The following ABCB9 variants were observed in gnomAD, a reference collection of about 807,000 sequenced individuals.
The protein encoded by ABCB9 is ATP binding cassette subfamily B member 9.
A neutral mutation model predicts 62.0 loss-of-function variants in ABCB9; 36 were observed. The observed-to-expected ratio is 0.58, with a 90% confidence interval of 0.45 to 0.77. The LOEUF (loss-of-function observed/expected upper bound fraction) is 0.77, where lower values mean the gene tolerates loss of function less well. Among genes scored for constraint, ABCB9 ranks in the 30% least tolerant of loss-of-function variants. The pLI, the probability that ABCB9 is intolerant of heterozygous loss-of-function variation, is 0.00. For missense variants in ABCB9, 943 were observed against 1,054.7 expected, an observed-to-expected ratio of 0.89 and a Z score of 1.47; for synonymous variants, 435 against 461.4, an observed-to-expected ratio of 0.94 and a Z score of 0.73.
chr12:122,970,642 A>G (rs1240508228), upstream of ABCB9, among the ~76,000 whole-genome samples: 2 of 152,232 alleles, frequency 1.3e-5, no homozygotes, highest in Non-Finnish European at 2.9e-5. Flanking sequence ...ATCACTATGC[A>G]TTATATGTAT....
At chr12:122,955,722 T>G (rs866672159) in intron 2 of ABCB9, among the ~76,000 whole-genome samples, 4 of 151,858 alleles carry the variant, frequency 2.6e-5, no homozygotes, top group Admixed American at 1.3e-4. Flanking sequence ...TTTGTTTTTT[T>G]TTTTTTTGAG....
At chr12:122,926,902 AAAAC>A (rs1020413939), downstream of ABCB9, among the ~76,000 whole-genome samples, 7 of 152,270 alleles carry the variant, frequency 4.6e-5, no homozygotes, top group South Asian at 4.1e-4. Context: ...CCTGTCTCTA[AAAAC>A]AAACAAACAA....
intron 6 of ABCB9, 24 bp downstream of exon 6, chr12:122,946,001 A>G (rs370750318): frequency 6.2e-7 from 1 of 1,610,940 alleles, no homozygotes; most frequent in African/African-American, 1.3e-5. Flanking sequence ...CCACAGCCAG[A>G]GCTGCCTGGC....
intron 5 of ABCB9, 178 bp downstream of exon 5, chr12:122,948,446 G>T: frequency 1.6e-6 from 1 of 616,654 alleles, no homozygotes; most frequent in Non-Finnish European, 2.6e-6. Context: ...CAGTGCCTGG[G>T]ACATAGCAGG....
chr12:122,929,372 TCA>T lies in ABCB9; in HGVS notation c.*537_*538del. 2 of 985,894 alleles carry T rather than the reference TCA, an allele frequency of 2.0e-6. No homozygotes were observed. Among genetic ancestry groups the T allele is most frequent in the Non-Finnish European group, 2.4e-6 (2 of 830,040 alleles). The allele number at this position is 985,894 out of a possible 1,614,324, so 61.1% of individuals were successfully genotyped here. ...CGCTCCCTACCCGCCCTGGCCAGAC[TCA>T]CAGAGCTGGCAAGAGGGAGAGACGG... On this transcript the variant is annotated 3_prime_UTR_variant, in exon 12 of 12. Transcript: ENST00000280560. The surrounding 1 kb of genome is among the most constrained non-coding windows in gnomAD (Gnocchi z 6.0).
Position 122,931,977 on chromosome 12 carries a change from CA to C in ABCB9, c.2040+214del, listed in dbSNP as rs548437892. The C allele has an allele frequency of 8.2e-4, 639 of 780,224 alleles. 3 individuals carry two copies. The African/African-American group carries it at 0.01, about 13-fold the overall frequency. The allele number at this position is 780,224 out of a possible 1,614,324, so 48.3% of individuals were successfully genotyped here. A position where few individuals can be genotyped will look rare whatever the true frequency, so the allele number is the denominator to read the frequency against. On this transcript the variant is annotated intron_variant, in intron 11 of 11. Coordinates refer to ENST00000280560, the MANE Select transcript of ABCB9 (RefSeq NM_019625.4). ...CCCATTCTGATGCCTTCTCTTGCCC[CA>C]CACCATACAGCTCTGCCTGGAGCCT...
At chr12:122,955,462 G>A (rs1387079755) in intron 2 of ABCB9, among the ~76,000 whole-genome samples, 1 of 152,232 alleles carries the variant, frequency 6.6e-6, no homozygotes. Context: ...CATTCAGTGA[G>A]CCCATCTCTG....
At chr12:122,968,025 G>A (rs929023037), upstream of ABCB9, among the ~76,000 whole-genome samples, 2 of 151,902 alleles carry the variant, frequency 1.3e-5, no homozygotes, top group African/African-American at 4.8e-5. Flanking sequence ...ATAGGGAACT[G>A]GCCAAATAAT....
In ABCB9 at chr12:122,957,101, G is replaced by A. The variant is rs569329772; in HGVS notation, c.601+2534C>T. ...CTGTTGCCCGGGCTGGAGGGCAGTGGCGTCATCATGGCTCACTATAACTCA... is the reference window on the plus strand; with the variant it reads ...CTGTTGCCCGGGCTGGAGGGCAGTGACGTCATCATGGCTCACTATAACTCA... On this transcript the variant is annotated intron_variant, in intron 2 of 11. Transcript: ENST00000280560. 4.6e-5 allele frequency among the ~76,000 whole-genome samples: 7 copies of A among 151,912 alleles called. No individual in the cohort carries two copies. In the South Asian group the frequency reaches 1.2e-3, roughly 27 times the overall value.
chr12:122,965,754 G>C (rs1223901129), intron 1 of ABCB9, among the ~76,000 whole-genome samples: 1 of 151,634 alleles, frequency 6.6e-6, no homozygotes, highest in African/African-American at 2.4e-5. Context: ...CAGAGGCCCA[G>C]AAATAAAAGA....
At chr12:122,969,094 G>C, upstream of ABCB9, among the ~76,000 whole-genome samples, 1 of 151,812 alleles carries the variant, frequency 6.6e-6, no homozygotes, top group East Asian at 1.9e-4. Context: ...GAGGCTGTCA[G>C]CCTTGTGACA....
At position 122,950,576 on chromosome 12, in the gene ABCB9, C is replaced by A; in HGVS notation, c.602-11G>T. On this transcript the variant is annotated splice_polypyrimidine_tract_variant and intron_variant, in intron 2 of 11. Coordinates refer to ENST00000280560, the MANE Select transcript of ABCB9 (RefSeq NM_019625.4). The stretch of plus-strand genomic sequence containing the variant: ...GCAGGAAGGTCTCTCCTGGGGGAGG[C>A]AGGGCAGCCTCAGGGACGTCTGCAG... 6.2e-7 allele frequency: 1 copy of A among 1,607,874 alleles called. No individual in the cohort carries two copies. Among genetic ancestry groups the A allele is most frequent in the Non-Finnish European group, 8.5e-7 (1 of 1,178,104 alleles).
chr12:122,931,241 T>G (rs191684799), intron 11 of ABCB9: 1,932 of 152,272 alleles, frequency 0.013, 21 homozygotes, highest in Non-Finnish European at 0.022. Flanking sequence ...GCCCGGCTGG[T>G]CTTGAACTCC....
intron 1 of ABCB9, among the ~76,000 whole-genome samples, chr12:122,963,897 C>T (rs1390752682): frequency 6.6e-6 from 1 of 152,196 alleles, no homozygotes; most frequent in Non-Finnish European, 1.5e-5. Flanking sequence ...ACACCCTCAG[C>T]CCAGGTCCTG....
At chr12:122,925,186 G>T (rs1418842554), downstream of ABCB9, among the ~76,000 whole-genome samples, 2 of 152,154 alleles carry the variant, frequency 1.3e-5, no homozygotes, top group Non-Finnish European at 2.9e-5. Flanking sequence ...CTCCCAAAGT[G>T]CTGGGATTAC....
In ABCB9 at chr12:122,940,593, A is replaced by C. The variant is rs965891004; in HGVS notation, c.1569+214T>G. On this transcript the variant is annotated intron_variant, in intron 8 of 11. Transcript: ENST00000280560. This position sits in a 1 kb window ranked among gnomAD's most constrained non-coding sequence, Gnocchi z 4.8. ...ACCATTCCCATGGACCATCCCTACCACAGCACCCTGATCTATTTTCTTTCT... is the reference window on the plus strand; with the variant it reads ...ACCATTCCCATGGACCATCCCTACCCCAGCACCCTGATCTATTTTCTTTCT... Among the ~76,000 whole-genome samples the C allele has an allele frequency of 3.3e-5, 5 of 152,040 alleles. No individual in the cohort carries two copies. Among genetic ancestry groups the C allele is most frequent in the African/African-American group, 7.2e-5 (3 of 41,394 alleles).
chr12:122,974,914 G>A (rs1002014766), exon 1 of ABCB9: 1 of 210,404 alleles, frequency 4.8e-6, no homozygotes, highest in Non-Finnish European at 9.5e-6. Flanking sequence ...CAGACGGCGG[G>A]GGGTGGGTCG....
chr12:122,922,389 C>T (rs961372080), intron 11 of ABCB9, among the ~76,000 whole-genome samples: 3 of 151,810 alleles, frequency 2.0e-5, no homozygotes, highest in African/African-American at 7.3e-5. Context: ...ATATGGACTT[C>T]ATTGTTTTGA....
Position 122,930,758 on chromosome 12 carries a change from A to G in ABCB9, c.2041-587T>C, listed in dbSNP as rs2035112801. Among the ~76,000 whole-genome samples the G allele has an allele frequency of 6.6e-6, 1 of 151,352 alleles. No homozygotes were observed. The highest frequency in any genetic ancestry group is 2.5e-5 in the African/African-American group (1 of 40,720). On this transcript the variant is annotated intron_variant, in intron 11 of 11. Transcript: ENST00000280560. The surrounding 1 kb of genome is among the most constrained non-coding windows in gnomAD (Gnocchi z 4.9). ...CCACTGGAATGGAAACACCATGGGG[A>G]CAAGGGTCTTTGTCTAGTTAGCCCA...
Sources: gnomAD v4.1 joint callset for allele counts (sites outside exome capture counted in the v4.1 genomes callset) on GRCh38, gnomAD v4.1.1 for gene constraint, Gnocchi (gnomAD v3.1) non-coding constraint, MANE v1.5 for transcripts, NCBI Gene and HGNC (gene_info 2026-07-23, HGNC 2026-07-21) for gene names.